The following ADGRL3 variants were observed in gnomAD, a reference collection of about 807,000 sequenced individuals.
ADGRL3 encodes adhesion G protein-coupled receptor L3.
A neutral mutation model predicts 153.5 loss-of-function variants in ADGRL3; 62 were observed. That is an observed-to-expected ratio of 0.40 (90% confidence interval 0.33 to 0.50). The LOEUF (loss-of-function observed/expected upper bound fraction) is 0.50, where lower values mean the gene tolerates loss of function less well. ADGRL3 is among the 20% of genes least tolerant of loss of function. The pLI, the probability that ADGRL3 is intolerant of heterozygous loss-of-function variation, is 0.47. For missense variants in ADGRL3, 1,641 were observed against 1,859.4 expected, an observed-to-expected ratio of 0.88 and a Z score of 2.16; for synonymous variants, 710 against 672.5, an observed-to-expected ratio of 1.06 and a Z score of -0.86.
At chr4:61,206,136 T>C (rs955320725) in intron 1 of ADGRL3, among the ~76,000 whole-genome samples, 2 of 152,194 alleles carry the variant, frequency 1.3e-5, no homozygotes, top group Non-Finnish European at 2.9e-5. Context: ...CCTTGATAAA[T>C]CATGTCTTCC....
intron 8 of ADGRL3, chr4:61,775,899 A>ATT: frequency 4.0e-6 from 1 of 251,422 alleles, no homozygotes; most frequent in East Asian, 8.0e-5. Context: ...TTATTTATTT[A>ATT]TTTATTTATT....
At chr4:61,882,930 C>A (rs1242845428) in intron 9 of ADGRL3, among the ~76,000 whole-genome samples, 1 of 152,056 alleles carries the variant, frequency 6.6e-6, no homozygotes, top group Non-Finnish European at 1.5e-5. Flanking sequence ...CATGGTGAAA[C>A]CCCGTCTCTA....
At chr4:61,844,546 C>CAAAAAAAAAAAAAAAAAAA (rs71604517) in intron 9 of ADGRL3, among the ~76,000 whole-genome samples, 1 of 17,548 alleles carries the variant, frequency 5.7e-5, no homozygotes, top group Non-Finnish European at 8.5e-5. Context: ...GACTGCATCT[C>CAAAAAAAAAAAAAAAAAAA]AAAAAAAAAA....
At chr4:61,433,995 T>G (rs2152431222) in intron 2 of ADGRL3, among the ~76,000 whole-genome samples, 1 of 152,246 alleles carries the variant, frequency 6.6e-6, no homozygotes, top group African/African-American at 2.4e-5. Flanking sequence ...AAATATGTCT[T>G]AAATGGATTC....
intron 9 of ADGRL3, among the ~76,000 whole-genome samples, chr4:61,853,943 T>A (rs2098236377): frequency 6.6e-6 from 1 of 152,228 alleles, no homozygotes; most frequent in Non-Finnish European, 1.5e-5. Flanking sequence ...TTACTTGGCA[T>A]TGCAAGCATA....
chr4:61,570,132 A>C (rs1376494973), intron 4 of ADGRL3, among the ~76,000 whole-genome samples: 1 of 152,096 alleles, frequency 6.6e-6, no homozygotes, highest in Non-Finnish European at 1.5e-5. Context: ...TACATAACTG[A>C]TTTACATACA....
intron 8 of ADGRL3, among the ~76,000 whole-genome samples, chr4:61,793,042 A>G (rs1372876954): frequency 2.6e-5 from 4 of 151,880 alleles, no homozygotes; most frequent in Non-Finnish European, 4.4e-5. Flanking sequence ...CCTCACAATC[A>G]TGGCAGAAGG....
intron 13 of ADGRL3, among the ~76,000 whole-genome samples, chr4:61,929,988 A>C (rs1306910414): frequency 6.6e-6 from 1 of 152,088 alleles, no homozygotes; most frequent in Non-Finnish European, 1.5e-5. Context: ...ATCCTGGCTA[A>C]CACGGTGAAA....
At chr4:61,746,794 A>C (rs868084254) in intron 8 of ADGRL3, among the ~76,000 whole-genome samples, 2 of 152,280 alleles carry the variant, frequency 1.3e-5, no homozygotes, top group Middle Eastern at 3.4e-3. Flanking sequence ...CACAATTAAA[A>C]GAACTAGAAA....
At chr4:61,420,931 G>A (rs2097198864) in intron 2 of ADGRL3, among the ~76,000 whole-genome samples, 1 of 151,940 alleles carries the variant, frequency 6.6e-6, no homozygotes, top group Non-Finnish European at 1.5e-5. Context: ...TGTAGTATTA[G>A]TGGAAGGCCT....
chr4:61,225,286 C>T (rs1015238930), intron 1 of ADGRL3, among the ~76,000 whole-genome samples: 5 of 152,182 alleles, frequency 3.3e-5, no homozygotes, highest in Admixed American at 2.0e-4. Context: ...CTGGATGGTA[C>T]TGTGGGCTCA....
At chr4:61,538,851 GGCTGGGGAAGATTGCGTTGGGTT>G (rs1404170021) in intron 4 of ADGRL3, among the ~76,000 whole-genome samples, 1 of 152,300 alleles carries the variant, frequency 6.6e-6, no homozygotes, top group Non-Finnish European at 1.5e-5. Context: ...GACTGGGGGT[GGCTGGGGAAGATTGCGTTGGGTT>G]GCATTGAAGT....
At chr4:61,576,585 G>T (rs2098885278) in intron 4 of ADGRL3, among the ~76,000 whole-genome samples, 1 of 146,370 alleles carries the variant, frequency 6.8e-6, no homozygotes, top group Non-Finnish European at 1.5e-5. Flanking sequence ...TTTACATTTA[G>T]CATCTAGTGT....
At chr4:61,792,923 T>C (rs774632822) in intron 8 of ADGRL3, among the ~76,000 whole-genome samples, 8 of 151,834 alleles carry the variant, frequency 5.3e-5, no homozygotes, top group East Asian at 1.9e-4. Flanking sequence ...ACCAATTTAC[T>C]GTATGACTCT....
chr4:61,760,806 C>G (rs1016298831), intron 8 of ADGRL3, among the ~76,000 whole-genome samples: 4 of 151,866 alleles, frequency 2.6e-5, no homozygotes, highest in Non-Finnish European at 5.9e-5. Context: ...CTCCACCCTC[C>G]AAGATCTGTA....
chr4:61,668,523 A>T (rs2094881135), intron 5 of ADGRL3, among the ~76,000 whole-genome samples: 1 of 152,184 alleles, frequency 6.6e-6, no homozygotes. Context: ...TTATATTGTC[A>T]CTTGCTGGAT....
intron 8 of ADGRL3, among the ~76,000 whole-genome samples, chr4:61,742,699 A>G (rs1213809134): frequency 1.3e-5 from 2 of 152,212 alleles, no homozygotes; most frequent in South Asian, 2.1e-4. Flanking sequence ...CTAGAAAGCT[A>G]AATTATCGGA....
At chr4:61,283,361 A>G (rs1202274616) in intron 1 of ADGRL3, among the ~76,000 whole-genome samples, 1 of 152,076 alleles carries the variant, frequency 6.6e-6, no homozygotes, top group Non-Finnish European at 1.5e-5. Context: ...TTGATCCCTA[A>G]GAACTGAGAG....
At chr4:61,367,320 C>T (rs1239230567) in intron 1 of ADGRL3, among the ~76,000 whole-genome samples, 1 of 151,618 alleles carries the variant, frequency 6.6e-6, no homozygotes, top group Non-Finnish European at 1.5e-5. Context: ...ATGTGCCATG[C>T]TGGTGTGCTG....
Sources: allele counts gnomAD v4.1 joint callset (sites outside exome capture counted in the v4.1 genomes callset), GRCh38; gene constraint gnomAD v4.1.1; transcripts MANE v1.5; gene names NCBI Gene and HGNC (gene_info 2026-07-23, HGNC 2026-07-21).